The following MAP7 variants were observed in gnomAD, a reference collection of about 807,000 sequenced individuals.
The protein encoded by MAP7 is ensconsin.
A neutral mutation model predicts 94.8 loss-of-function variants in MAP7; 52 were observed. The ratio of observed to expected loss-of-function variants is 0.55; its 90% CI spans 0.44 to 0.69. MAP7 has a LOEUF of 0.69. Among genes scored for constraint, MAP7 ranks in the 30% least tolerant of loss-of-function variants. The pLI is 0.00. For synonymous variants in MAP7, 350 were observed against 357.0 expected (o/e 0.98, Z 0.22); for missense variants, 940 against 964.6 (o/e 0.97, Z 0.34).
At chr6:136,386,075 G>A (rs1003068839) in intron 5 of MAP7, among the ~76,000 whole-genome samples, 8 of 152,036 alleles carry the variant, frequency 5.3e-5, no homozygotes, top group African/African-American at 1.2e-4. Context: ...CCTGCTGATC[G>A]TATCAAGTTT....
chr6:136,501,296 C>T (rs1201468456), intron 1 of MAP7, among the ~76,000 whole-genome samples: 1 of 152,218 alleles, frequency 6.6e-6, no homozygotes, highest in African/African-American at 2.4e-5. Flanking sequence ...GCACTCACTT[C>T]CTCTCCAGTT....
intron 10 of MAP7, among the ~76,000 whole-genome samples, chr6:136,363,288 GC>G: frequency 6.6e-6 from 1 of 152,348 alleles, no homozygotes; most frequent in African/African-American, 2.4e-5. Context: ...CAAGATGGGA[GC>G]AGAAGTTCTC....
chr6:136,486,794 T>C (rs932967108), intron 1 of MAP7, among the ~76,000 whole-genome samples: 1 of 152,166 alleles, frequency 6.6e-6, no homozygotes, highest in Non-Finnish European at 1.5e-5. Flanking sequence ...AAATCAACTC[T>C]CTGTAATAGG....
intron 1 of MAP7, among the ~76,000 whole-genome samples, chr6:136,439,652 T>G (rs1392740248): frequency 1.3e-5 from 2 of 152,224 alleles, no homozygotes; most frequent in Admixed American, 6.5e-5. Flanking sequence ...AAATGCACTT[T>G]CTGACCCTCT....
chr6:136,390,474 G>A, intron 3 of MAP7, among the ~76,000 whole-genome samples: 1 of 152,052 alleles, frequency 6.6e-6, no homozygotes, highest in East Asian at 1.9e-4. Flanking sequence ...CCAACATAGT[G>A]AAACAACATC....
At chr6:136,400,030 T>C (rs1783605834) in intron 3 of MAP7, among the ~76,000 whole-genome samples, 1 of 152,282 alleles carries the variant, frequency 6.6e-6, no homozygotes, top group Admixed American at 6.5e-5. Flanking sequence ...AAGATAACCA[T>C]GGAATGAATG....
chr6:136,404,378 G>A (rs1785000444), intron 3 of MAP7, among the ~76,000 whole-genome samples: 1 of 149,802 alleles, frequency 6.7e-6, no homozygotes, highest in Non-Finnish European at 1.5e-5. Context: ...GGCAAAGGAA[G>A]CCCGATGAAA....
intron 1 of MAP7, among the ~76,000 whole-genome samples, chr6:136,458,934 C>A (rs1804268911): frequency 6.6e-6 from 1 of 151,850 alleles, no homozygotes; most frequent in Admixed American, 6.6e-5. Flanking sequence ...TTCTGCACAG[C>A]AAAGAAATCA....
intron 15 of MAP7, 39 bp from the exon 16 acceptor site, chr6:136,356,833 T>G: frequency 6.6e-7 from 1 of 1,526,692 alleles, no homozygotes; most frequent in Non-Finnish European, 9.1e-7. Flanking sequence ...GGGTTACTAA[T>G]ATTCTTTTCT....
At chr6:136,461,228 T>G (rs1805099038) in intron 1 of MAP7, among the ~76,000 whole-genome samples, 1 of 152,170 alleles carries the variant, frequency 6.6e-6, no homozygotes, top group South Asian at 2.1e-4. Context: ...TTTTGCTTAG[T>G]TATTGATGAT....
intron 1 of MAP7, among the ~76,000 whole-genome samples, chr6:136,441,229 A>G (rs2128847892): frequency 6.6e-6 from 1 of 152,328 alleles, no homozygotes; most frequent in South Asian, 2.1e-4. Context: ...ATAAGCTTAA[A>G]GTCTTAAAGA....
intron 1 of MAP7, among the ~76,000 whole-genome samples, chr6:136,529,846 C>T (rs1346904166): frequency 1.3e-5 from 2 of 152,188 alleles, no homozygotes; most frequent in East Asian, 3.9e-4. Context: ...TCTCTTTGTC[C>T]TCCTACCCTG....
chr6:136,548,889 G>A (rs975653445), intron 1 of MAP7, among the ~76,000 whole-genome samples: 1 of 152,204 alleles, frequency 6.6e-6, no homozygotes, highest in Non-Finnish European at 1.5e-5. Flanking sequence ...CTCACTTGGG[G>A]GAGCCCCGTC....
intron 2 of MAP7, among the ~76,000 whole-genome samples, chr6:136,411,947 A>G (rs550143374): frequency 2.1e-4 from 32 of 152,158 alleles, no homozygotes; most frequent in Non-Finnish European, 2.9e-4. Context: ...CCTTTTGGCT[A>G]TTTTCATCAA....
At chr6:136,480,411 G>T (rs1812365397) in intron 1 of MAP7, among the ~76,000 whole-genome samples, 1 of 151,954 alleles carries the variant, frequency 6.6e-6, no homozygotes, top group South Asian at 2.1e-4. Context: ...ATATTGGGGA[G>T]ATGGGTGGAT....
chr6:136,450,151 G>A (rs959759618), intron 1 of MAP7, among the ~76,000 whole-genome samples: 7 of 152,030 alleles, frequency 4.6e-5, no homozygotes, highest in South Asian at 2.1e-4. Flanking sequence ...GCCACTGCAC[G>A]CCAGCCTGGG....
chr6:136,534,467 G>T (rs970144206), intron 1 of MAP7, among the ~76,000 whole-genome samples: 1 of 152,204 alleles, frequency 6.6e-6, no homozygotes. Flanking sequence ...TAATGTTTGG[G>T]CTGAGCCCAG....
At chr6:136,454,311 C>CTATCTATT (rs1802132087) in intron 1 of MAP7, among the ~76,000 whole-genome samples, 1 of 151,708 alleles carries the variant, frequency 6.6e-6, no homozygotes, top group East Asian at 2.0e-4. Flanking sequence ...ATCTATCTAT[C>CTATCTATT]TATCTATCTA....
At chr6:136,347,516 G>A (rs1788020986) in intron 16 of MAP7, among the ~76,000 whole-genome samples, 2 of 152,122 alleles carry the variant, frequency 1.3e-5, no homozygotes, top group South Asian at 4.1e-4. Flanking sequence ...AGTGGTTCCT[G>A]AGTCTCAGCC....
Sources: gnomAD v4.1 joint callset for allele counts (sites outside exome capture counted in the v4.1 genomes callset) on GRCh38, gnomAD v4.1.1 for gene constraint, MANE v1.5 for transcripts, NCBI Gene and HGNC (gene_info 2026-07-23, HGNC 2026-07-21) for gene names.